Variants in CENPW observed in about 807,000 individuals in gnomAD.
CENPW encodes centromere protein W, also known as cancer-up-regulated gene 2 protein.
A neutral mutation model predicts 11.1 loss-of-function variants in CENPW; 3 were observed. That is an observed-to-expected ratio of 0.27 (90% confidence interval 0.12 to 0.70). CENPW has a LOEUF of 0.70. Ranked by LOEUF, CENPW falls within the 30% of genes least tolerant of loss-of-function variation. The pLI is 0.77. For synonymous variants in CENPW, 38 were observed against 42.0 expected, an observed-to-expected ratio of 0.91 and a Z score of 0.37; for missense variants, 100 against 105.6, an observed-to-expected ratio of 0.95 and a Z score of 0.23.
chr6:126,465,183 AT>A, the CENPW span, among the ~76,000 whole-genome samples: 2 of 152,162 alleles, frequency 1.3e-5, no homozygotes, highest in Non-Finnish European at 2.9e-5. Flanking sequence ...ATATACAAAA[AT>A]CAATGGTATT....
the CENPW span, among the ~76,000 whole-genome samples, chr6:126,450,823 A>G: frequency 6.6e-6 from 1 of 150,902 alleles, no homozygotes; most frequent in Non-Finnish European, 1.5e-5. Context: ...AGGTAAGGAG[A>G]AAATCTTATA....
the CENPW span, among the ~76,000 whole-genome samples, chr6:126,474,046 T>G: frequency 1.7e-4 from 26 of 149,102 alleles, 1 homozygote; most frequent in South Asian, 5.5e-3. Context: ...TTTTAGTCAT[T>G]CTACTGAGGG....
chr6:126,476,630 T>C, the CENPW span, among the ~76,000 whole-genome samples: 1 of 152,026 alleles, frequency 6.6e-6, no homozygotes, highest in African/African-American at 2.4e-5. Flanking sequence ...GTAATTCTGA[T>C]ACGGGATTGT....
intron 1 of CENPW, among the ~76,000 whole-genome samples, chr6:126,343,697 G>A (rs964524733): frequency 6.6e-6 from 1 of 152,208 alleles, no homozygotes; most frequent in African/African-American, 2.4e-5. Flanking sequence ...CATCCAGCAC[G>A]GGAGAGAGAT....
chr6:126,438,756 A>C, the CENPW span, among the ~76,000 whole-genome samples: 1 of 151,722 alleles, frequency 6.6e-6, no homozygotes, highest in Non-Finnish European at 1.5e-5. Flanking sequence ...AGGGGAAAAG[A>C]TTATAATTTT....
the CENPW span, among the ~76,000 whole-genome samples, chr6:126,395,415 A>G: frequency 6.6e-6 from 1 of 152,114 alleles, no homozygotes; most frequent in Non-Finnish European, 1.5e-5. Context: ...TGTTAAATTT[A>G]TCTCATAGAA....
chr6:126,357,530 A>G, the CENPW span, among the ~76,000 whole-genome samples: 3 of 151,780 alleles, frequency 2.0e-5, no homozygotes, highest in Non-Finnish European at 2.9e-5. Context: ...TTTTTATGAC[A>G]TGTATTCTTC....
At chr6:126,471,747 C>T in the CENPW span, among the ~76,000 whole-genome samples, 11 of 152,132 alleles carry the variant, frequency 7.2e-5, no homozygotes, top group African/African-American at 2.6e-4. Flanking sequence ...GTTCAATAGG[C>T]AAAACTAAAG....
chr6:126,418,310 G>A, the CENPW span, among the ~76,000 whole-genome samples: 182 of 152,242 alleles, frequency 1.2e-3, 2 homozygotes, highest in East Asian at 0.024. Context: ...TCATAGCAGC[G>A]TTATTCATAG....
At chr6:126,430,699 C>T in the CENPW span, among the ~76,000 whole-genome samples, 1 of 152,084 alleles carries the variant, frequency 6.6e-6, no homozygotes, top group East Asian at 1.9e-4. Flanking sequence ...CGCCTGTAAT[C>T]CCAGCACTTT....
chr6:126,456,020 C>G, the CENPW span, among the ~76,000 whole-genome samples: 1 of 151,044 alleles, frequency 6.6e-6, no homozygotes, highest in Admixed American at 6.6e-5. Context: ...CAAAAGATGT[C>G]TACAATGAGA....
the CENPW span, among the ~76,000 whole-genome samples, chr6:126,479,879 C>T: frequency 2.0e-5 from 3 of 151,714 alleles, no homozygotes; most frequent in South Asian, 2.1e-4. Context: ...TTTGCTTTTA[C>T]TCTTTTTTTT....
the CENPW span, among the ~76,000 whole-genome samples, chr6:126,372,811 C>T: frequency 1.3e-5 from 2 of 152,248 alleles, no homozygotes; most frequent in Admixed American, 1.3e-4. Flanking sequence ...TGCTAAGTGT[C>T]CTTTCTGGAA....
chr6:126,476,483 C>G, the CENPW span, among the ~76,000 whole-genome samples: 1 of 151,792 alleles, frequency 6.6e-6, no homozygotes, highest in Non-Finnish European at 1.5e-5. Flanking sequence ...TACTTTATTA[C>G]TGTGTGTTTG....
the CENPW span, among the ~76,000 whole-genome samples, chr6:126,355,268 T>C: frequency 6.6e-6 from 1 of 152,174 alleles, no homozygotes; most frequent in African/African-American, 2.4e-5. Context: ...TAGTTTTGAA[T>C]GTCTTTTTCC....
At chr6:126,467,947 T>A in the CENPW span, among the ~76,000 whole-genome samples, 1 of 152,148 alleles carries the variant, frequency 6.6e-6, no homozygotes, top group Non-Finnish European at 1.5e-5. Flanking sequence ...CCCAAACTTG[T>A]AACTGCAATA....
At chr6:126,430,607 CTT>C in the CENPW span, among the ~76,000 whole-genome samples, 1 of 152,058 alleles carries the variant, frequency 6.6e-6, no homozygotes, top group African/African-American at 2.4e-5. Context: ...AGTCTGAACT[CTT>C]TTCATAGTAG....
At chr6:126,377,677 C>T in the CENPW span, among the ~76,000 whole-genome samples, 3 of 152,170 alleles carry the variant, frequency 2.0e-5, no homozygotes, top group Non-Finnish European at 4.4e-5. Context: ...CATCTTTTGA[C>T]TTGTTTTGCA....
At chr6:126,470,973 T>A in the CENPW span, among the ~76,000 whole-genome samples, 1 of 152,164 alleles carries the variant, frequency 6.6e-6, no homozygotes, top group Non-Finnish European at 1.5e-5. Context: ...GGAAGGGACT[T>A]GCCTTGTCTC....
Sources: allele counts gnomAD v4.1 joint callset (sites outside exome capture counted in the v4.1 genomes callset), GRCh38; gene constraint gnomAD v4.1.1; transcripts MANE v1.5; gene names NCBI Gene and HGNC (gene_info 2026-07-23, HGNC 2026-07-21).